MAT1A: variants seen among roughly 807,000 people sequenced by gnomAD.
MAT1A encodes the protein S-adenosylmethionine synthase isoform type-1.
Under a neutral mutation model 44.0 loss-of-function variants are expected in MAT1A, and 19 were observed. The ratio of observed to expected loss-of-function variants is 0.43; its 90% CI spans 0.30 to 0.63. The LOEUF (loss-of-function observed/expected upper bound fraction) is 0.63. MAT1A is among the 30% of genes least tolerant of loss of function. The probability of loss-of-function intolerance (pLI) is 0.12; values close to 1 mark genes in which losing one functional copy is unlikely to be tolerated. For missense variants in MAT1A, 397 were observed against 531.0 expected (o/e 0.75, Z 2.48); for synonymous variants, 205 against 205.6 (o/e 1.00, Z 0.03).
At position 80,289,580 on chromosome 10, in the gene MAT1A, A is replaced by C. The variant is rs1841694909; in HGVS notation, c.-157T>G. 3 of 690,536 alleles carry C rather than the reference A, an allele frequency of 4.3e-6. No individual in the cohort carries two copies. Among genetic ancestry groups the C allele is most frequent in the Non-Finnish European group, 7.9e-6 (3 of 378,224 alleles). 42.8% of individuals were successfully genotyped at this position (690,536 alleles called of 1,614,324 possible). On this transcript the variant is annotated 5_prime_UTR_variant, in exon 1 of 9. Transcript: ENST00000372213. ...CACTTCTGCCTAACTGCCTGTGAGC[A>C]CGTGAGAACAGGCGAGGACTGCTGA...
intron 3 of MAT1A, among the ~76,000 whole-genome samples, chr10:80,283,180 A>G (rs1841591334): frequency 6.6e-6 from 1 of 152,246 alleles, no homozygotes; most frequent in Non-Finnish European, 1.5e-5. Flanking sequence ...AAGCTCCTGC[A>G]GAATGTGATC....
At chr10:80,285,228 C>A (rs1188291832) in intron 2 of MAT1A, among the ~76,000 whole-genome samples, 1 of 152,162 alleles carries the variant, frequency 6.6e-6, no homozygotes, top group African/African-American at 2.4e-5. Flanking sequence ...TGAGATCAAG[C>A]ATCAGAAAGG....
intron 5 of MAT1A, among the ~76,000 whole-genome samples, chr10:80,277,446 G>A (rs542488256): frequency 1.3e-5 from 2 of 152,328 alleles, no homozygotes; most frequent in South Asian, 2.1e-4. Context: ...CAACAAGGAA[G>A]GTCCAGAAGA....
chr10:80,288,101 G>A (rs1401686033), intron 1 of MAT1A, among the ~76,000 whole-genome samples: 3 of 152,162 alleles, frequency 2.0e-5, no homozygotes, highest in Admixed American at 6.5e-5. Flanking sequence ...AGTGCACTGA[G>A]GTGTCCAAAG....
At chr10:80,279,822 A>G (rs147883527) in intron 5 of MAT1A, among the ~76,000 whole-genome samples, 2,006 of 152,124 alleles carry the variant, frequency 0.013, 31 homozygotes, top group Non-Finnish European at 0.018. Flanking sequence ...GCACAGACAC[A>G]GCACAGACAG....
At chr10:80,287,402 G>A (rs1488872816) in intron 1 of MAT1A, among the ~76,000 whole-genome samples, 1 of 152,206 alleles carries the variant, frequency 6.6e-6, no homozygotes, top group Non-Finnish European at 1.5e-5. Context: ...CTTTCTAGCA[G>A]AGAGGAATTC....
In MAT1A at chr10:80,289,636, T is replaced by G; in HGVS notation, c.-213A>C. ...GAGGGAGTGGATGGAACACGGGATG[T>G]GTCCCTCCCTCCAGCTTGCCACAGC... is the stretch of plus-strand genomic sequence containing the variant. On this transcript the variant is annotated 5_prime_UTR_variant, in exon 1 of 9. Coordinates refer to ENST00000372213, the MANE Select transcript of MAT1A (RefSeq NM_000429.3). 3.4e-6 allele frequency: 2 copies of G among 596,856 alleles called. No homozygotes were observed. Among genetic ancestry groups the G allele is most frequent in the South Asian group, 3.7e-5 (2 of 53,556 alleles). 37.0% of individuals were successfully genotyped at this position (596,856 alleles called of 1,614,324 possible).
intron 1 of MAT1A, among the ~76,000 whole-genome samples, chr10:80,285,982 C>T (rs563917308): frequency 3.3e-5 from 5 of 152,102 alleles, no homozygotes; most frequent in East Asian, 3.9e-4. Flanking sequence ...TGTGCTACCA[C>T]GCCTGGCTAA....
At chr10:80,284,434 G>A (rs1309620086) in intron 2 of MAT1A, among the ~76,000 whole-genome samples, 3 of 152,178 alleles carry the variant, frequency 2.0e-5, no homozygotes, top group African/African-American at 7.2e-5. Flanking sequence ...AACCTCCACT[G>A]CAGGCTTTAG....
At chr10:80,281,937 A>C (rs1190233378) in intron 3 of MAT1A, among the ~76,000 whole-genome samples, 2 of 152,108 alleles carry the variant, frequency 1.3e-5, no homozygotes, top group African/African-American at 2.4e-5. Flanking sequence ...GTCCACTCTC[A>C]GTGCATGTCC....
At chr10:80,277,749 C>G (rs72809558) in intron 5 of MAT1A, among the ~76,000 whole-genome samples, 2 of 152,196 alleles carry the variant, frequency 1.3e-5, no homozygotes, top group African/African-American at 4.8e-5. Flanking sequence ...GCAGACTCCA[C>G]GCAGTGGCCT....
rs996931893 is a variant in MAT1A, at chr10:80,274,522, G to A, written c.1083C>T (p.Val361=). 5.0e-6 allele frequency: 8 copies of A among 1,614,138 alleles called. No homozygotes were observed. The Admixed American group carries it at 5.0e-5, about 10-fold the overall frequency. Residue 361 remains valine (V), a splice_region_variant and synonymous_variant, in exon 8 of 9, where the codon GTC becomes GTT. Coordinates refer to ENST00000372213, the MANE Select transcript of MAT1A (RefSeq NM_000429.3). ...AATAGCAGCGCATGGCACTTTACCTGACAATGACGCCCGGCCGGAGGTCGA... is the reference window on the plus strand; with the variant it reads ...AATAGCAGCGCATGGCACTTTACCTAACAATGACGCCCGGCCGGAGGTCGA... ...KNFDLRPGVI[V]RDLDLKKPIY...
Position 80,289,528 on chromosome 10 carries a change from G to C in MAT1A, c.-105C>G, listed in dbSNP as rs1841693986. The stretch of plus-strand genomic sequence containing the variant: ...TCTTCTTCTTCTTTCAACCCAACAG[G>C]CTTGTCTTTGGCAGAGCCACGGGGA... On this transcript the variant is annotated 5_prime_UTR_variant, in exon 1 of 9. Transcript: ENST00000372213. 1 of 839,208 alleles carries C rather than the reference G, an allele frequency of 1.2e-6. No homozygotes were observed. The highest frequency in any genetic ancestry group is 1.4e-5 in the South Asian group (1 of 70,942). 52.0% of individuals were successfully genotyped at this position (839,208 alleles called of 1,614,324 possible).
intron 5 of MAT1A, among the ~76,000 whole-genome samples, chr10:80,278,033 C>T (rs1021865491): frequency 2.6e-5 from 4 of 152,226 alleles, no homozygotes; most frequent in Non-Finnish European, 5.9e-5. Context: ...CAAGCTGTGC[C>T]TGGCCCAGGG....
rs959646252 is a variant in MAT1A at position 80,272,046 on chromosome 10, C to T, written c.*1735G>A. The T allele has an allele frequency of 2.6e-5, 4 of 152,122 alleles. No individual in the cohort carries two copies. Among genetic ancestry groups the T allele is most frequent in the African/African-American group, 9.7e-5 (4 of 41,424 alleles). 9.4% of individuals were successfully genotyped at this position (152,122 alleles called of 1,614,324 possible). A position where few individuals can be genotyped will look rare whatever the true frequency, so the allele number is the denominator to read the frequency against. Reference sequence around the variant, plus strand: ...AAGGAATCTGAGGCTTCCTAGGTGACCAGGAGCCGGGCTTCTTTTGTTGCC... The same window carrying T: ...AAGGAATCTGAGGCTTCCTAGGTGATCAGGAGCCGGGCTTCTTTTGTTGCC... On this transcript the variant is annotated 3_prime_UTR_variant, in exon 9 of 9. Transcript: ENST00000372213.
chr10:80,285,451 G>A (rs1841636250), intron 2 of MAT1A, 61 bp downstream of exon 2: 1 of 1,372,586 alleles, frequency 7.3e-7, no homozygotes, highest in African/African-American at 1.4e-5. Flanking sequence ...TTATACCCAT[G>A]ATTAATTTCT....
At position 80,283,980 on chromosome 10, in the gene MAT1A, C is replaced by G; in HGVS notation, c.228G>C (p.Met76Ile). The change falls in exon 3 of 9, where the codon ATG becomes ATC. Residue 76 changes from methionine to isoleucine, a missense_variant. By Grantham distance (10) the Met-to-Ile change is conservative. Coordinates refer to ENST00000372213, the MANE Select transcript of MAT1A (RefSeq NM_000429.3). The part of the protein sequence containing the change: ...LLCGEITSMA[M>I]VDYQRVVRDT... ...CCCTCACCACCCGCTGGTAGTCCAC[C>G]ATGGCCATTGAGGTGATCTCACCAC... is the stretch of plus-strand genomic sequence containing the variant. 6.2e-7 allele frequency: 1 copy of G among 1,614,208 alleles called. No homozygotes were observed. Among genetic ancestry groups the G allele is most frequent in the East Asian group, 2.2e-5 (1 of 44,886 alleles).
intron 1 of MAT1A, 75 bp from the exon 2 acceptor site, chr10:80,285,664 TATCG>T: frequency 9.9e-7 from 1 of 1,006,310 alleles, no homozygotes; most frequent in Non-Finnish European, 1.6e-6. Flanking sequence ...AATAATTAGA[TATCG>T]ACTTTTCAGT....
At chr10:80,283,787 G>A in intron 3 of MAT1A, 129 bp downstream of exon 3, 2 of 1,403,066 alleles carry the variant, frequency 1.4e-6, no homozygotes, top group Non-Finnish European at 2.0e-6. Flanking sequence ...TGACAGACAA[G>A]TGTAGGAGTG....
Sources: gnomAD v4.1 joint callset for allele counts (sites outside exome capture counted in the v4.1 genomes callset) on GRCh38, gnomAD v4.1.1 for gene constraint, MANE v1.5 for transcripts, NCBI Gene and HGNC (gene_info 2026-07-23, HGNC 2026-07-21) for gene names.